Variants in FSIP1 observed in about 807,000 individuals in gnomAD.
FSIP1 encodes the protein fibrous sheath-interacting protein 1.
Under a neutral mutation model 60.9 loss-of-function variants are expected in FSIP1, and 65 were observed. The observed-to-expected ratio is 1.07, with a 90% confidence interval of 0.87 to 1.31. The LOEUF (loss-of-function observed/expected upper bound fraction) is 1.31, where lower values mean the gene tolerates loss of function less well. Ranked by LOEUF, FSIP1 falls within the 40% of genes most tolerant of loss-of-function variation. FSIP1 has a pLI of 0.00. For missense variants in FSIP1, 675 were observed against 665.5 expected (o/e 1.01, Z -0.16); for synonymous variants, 209 against 221.2 (o/e 0.94, Z 0.49).
chr15:39,687,443 C>T (rs1404696617), intron 10 of FSIP1, among the ~76,000 whole-genome samples: 1 of 152,156 alleles, frequency 6.6e-6, no homozygotes, highest in African/African-American at 2.4e-5. Flanking sequence ...CGTGAGCCAC[C>T]GCACCCAGCT....
chr15:39,695,029 C>T lies in FSIP1; in HGVS notation c.1188+18415G>A, dbSNP rs150858720. Among the ~76,000 whole-genome samples, 531 of 152,216 alleles carry T rather than the reference C, an allele frequency of 3.5e-3. 3 individuals carry two copies. The highest frequency in any genetic ancestry group is 0.012 in the African/African-American group (507 of 41,520). On this transcript the variant is annotated intron_variant, in intron 10 of 11. Coordinates refer to ENST00000350221, the MANE Select transcript of FSIP1 (RefSeq NM_152597.5). ...GTAGGGTTTACATTTTCCCAGCAAA[C>T]GGAATCATAGAACAATAGGGTTTTA...
chr15:39,602,479 T>C, intron 11 of FSIP1: 2 of 415,788 alleles, frequency 4.8e-6, no homozygotes, highest in Non-Finnish European at 9.5e-6. Context: ...AATATATGAA[T>C]TATATCTCAA....
chr15:39,701,469 G>A (rs1895056605), intron 10 of FSIP1, among the ~76,000 whole-genome samples: 1 of 152,108 alleles, frequency 6.6e-6, no homozygotes, highest in South Asian at 2.1e-4. Flanking sequence ...TTCTCTGACT[G>A]GTTTGAAAAA....
intron 10 of FSIP1, among the ~76,000 whole-genome samples, chr15:39,691,620 T>C (rs543641901): frequency 4.6e-5 from 7 of 152,210 alleles, no homozygotes; most frequent in Non-Finnish European, 8.8e-5. Context: ...TCTCATCTAT[T>C]AAAGAAGAGA....
chr15:39,764,775 AAAGATCTTG>A (rs1168874394), intron 4 of FSIP1, among the ~76,000 whole-genome samples: 1 of 152,220 alleles, frequency 6.6e-6, no homozygotes, highest in Non-Finnish European at 1.5e-5. Context: ...ACAGCTTCCC[AAAGATCTTG>A]ACCAGCACAG....
chr15:39,744,188 T>C (rs1896903907), intron 5 of FSIP1, among the ~76,000 whole-genome samples: 1 of 152,136 alleles, frequency 6.6e-6, no homozygotes, highest in Admixed American at 6.5e-5. Context: ...TATTTGAGAA[T>C]CCTTTGTACT....
intron 11 of FSIP1, among the ~76,000 whole-genome samples, chr15:39,614,277 A>G (rs1178021366): frequency 1.3e-5 from 2 of 152,212 alleles, no homozygotes; most frequent in Non-Finnish European, 2.9e-5. Context: ...ATTTCTATAC[A>G]TTAAGAACAA....
chr15:39,695,936 A>T (rs1483600306), intron 10 of FSIP1, among the ~76,000 whole-genome samples: 1 of 152,248 alleles, frequency 6.6e-6, no homozygotes, highest in Non-Finnish European at 1.5e-5. Context: ...AGAAGAGATT[A>T]GCAGCAAACT....
chr15:39,602,567 G>A (rs1890679098), intron 11 of FSIP1, among the ~76,000 whole-genome samples: 1 of 152,344 alleles, frequency 6.6e-6, no homozygotes, highest in Middle Eastern at 3.4e-3. Context: ...AGTGATAAAT[G>A]TAGTGGTACT....
intron 10 of FSIP1, among the ~76,000 whole-genome samples, chr15:39,651,589 A>T (rs1317618152): frequency 6.6e-6 from 1 of 152,244 alleles, no homozygotes; most frequent in Non-Finnish European, 1.5e-5. Flanking sequence ...GTTCAAAAAA[A>T]TAATGTATTC....
At chr15:39,739,933 T>C (rs917086680) in intron 6 of FSIP1, 144 bp from the exon 7 acceptor site, 1 of 501,328 alleles carries the variant, frequency 2.0e-6, no homozygotes, top group South Asian at 3.7e-5. Flanking sequence ...AGAAACCTAA[T>C]ATATAATGGA....
intron 10 of FSIP1, among the ~76,000 whole-genome samples, chr15:39,703,532 A>T (rs1482713541): frequency 6.6e-6 from 1 of 152,212 alleles, no homozygotes; most frequent in East Asian, 1.9e-4. Flanking sequence ...TTATAAATTG[A>T]TTATAAATGA....
At chr15:39,686,048 T>G (rs796098138) in intron 10 of FSIP1, among the ~76,000 whole-genome samples, 1 of 152,120 alleles carries the variant, frequency 6.6e-6, no homozygotes, top group African/African-American at 2.4e-5. Context: ...AATAACAAAT[T>G]TGGAGGATGA....
At chr15:39,642,418 G>C (rs1892409180) in intron 10 of FSIP1, among the ~76,000 whole-genome samples, 1 of 152,182 alleles carries the variant, frequency 6.6e-6, no homozygotes, top group Non-Finnish European at 1.5e-5. Context: ...ATGAGTGGCT[G>C]TCTCCAGCTC....
chr15:39,750,175 A>G (rs1050295038), intron 5 of FSIP1, among the ~76,000 whole-genome samples: 1 of 152,010 alleles, frequency 6.6e-6, no homozygotes, highest in Non-Finnish European at 1.5e-5. Flanking sequence ...GACACAAATA[A>G]ATGGAAAGAT....
At position 39,617,934 on chromosome 15, in the gene FSIP1, T is replaced by C. The variant is rs1891297184; in HGVS notation, c.1500A>G (p.Glu500=). The C allele has an allele frequency of 6.2e-7, 1 of 1,614,104 alleles. No individual in the cohort carries two copies. Among genetic ancestry groups the C allele is most frequent in the African/African-American group, 1.3e-5 (1 of 74,950 alleles). Residue 500 remains glutamate (E), a synonymous_variant, in exon 11 of 12, where the codon GAA becomes GAG. Transcript: ENST00000350221. The part of the protein sequence containing the change: ...GHNMSEALVT[E]AENMKCLQFS... ...ATTGAAGGCATTTCATATTCTCTGCTTCAGTGACAAGAGCTTCTGACATGT... is the reference window on the plus strand; with the variant it reads ...ATTGAAGGCATTTCATATTCTCTGCCTCAGTGACAAGAGCTTCTGACATGT...
At chr15:39,611,386 A>C (rs1891024916) in intron 11 of FSIP1, among the ~76,000 whole-genome samples, 1 of 152,140 alleles carries the variant, frequency 6.6e-6, no homozygotes, top group Non-Finnish European at 1.5e-5. Flanking sequence ...TCCTTGGCTG[A>C]AGTGATCTTC....
At chr15:39,665,187 A>C (rs1247062499) in intron 10 of FSIP1, among the ~76,000 whole-genome samples, 1 of 152,136 alleles carries the variant, frequency 6.6e-6, no homozygotes, top group Non-Finnish European at 1.5e-5. Context: ...CTCCTACAAC[A>C]CAGAAGAGAC....
chr15:39,725,597 T>C (rs72727070), intron 9 of FSIP1, among the ~76,000 whole-genome samples: 18,116 of 152,260 alleles, frequency 0.12, 1,321 homozygotes, highest in African/African-American at 0.2. Context: ...AAGATCATGG[T>C]CATCTACAAT....
Sources: allele counts gnomAD v4.1 joint callset (sites outside exome capture counted in the v4.1 genomes callset), GRCh38; gene constraint gnomAD v4.1.1; transcripts MANE v1.5; gene names NCBI Gene and HGNC (gene_info 2026-07-23, HGNC 2026-07-21).